Variants in RB1 observed in about 807,000 individuals in gnomAD.
The protein encoded by RB1 is retinoblastoma-associated protein.
Under a neutral mutation model 135.4 loss-of-function variants are expected in RB1, and 18 were observed. That is an observed-to-expected ratio of 0.13 (90% confidence interval 0.09 to 0.20). The LOEUF (loss-of-function observed/expected upper bound fraction) is 0.20. RB1 is among the 10% of genes least tolerant of loss of function. The probability of loss-of-function intolerance (pLI) is 1.00; values close to 1 mark genes in which losing one functional copy is unlikely to be tolerated. For missense variants in RB1, 868 were observed against 1,110.0 expected (o/e 0.78, Z 3.10); for synonymous variants, 365 against 373.2 (o/e 0.98, Z 0.25).
At position 48,333,783 on chromosome 13, in the gene RB1, CT is replaced by C. The variant is rs74263266; in HGVS notation, c.265-8803del. Among the ~76,000 whole-genome samples the C allele has an allele frequency of 2.4e-3, 346 of 144,432 alleles. 1 individual carries two copies. The highest frequency in any genetic ancestry group is 4.8e-3 in the African/African-American group (189 of 39,698). The allele number at this position is 144,432 out of a possible 152,430, so 94.8% of individuals were successfully genotyped here. A position where few individuals can be genotyped will look rare whatever the true frequency, so the allele number is the denominator to read the frequency against. Reference sequence around the variant, plus strand: ...AGCCACTCTGTAGCTACTGCCACAACTTTTTTTTTTTTTCCTTTTTAGAACT... The same window carrying C: ...AGCCACTCTGTAGCTACTGCCACAACTTTTTTTTTTTTCCTTTTTAGAACT... On this transcript the variant is annotated intron_variant, in intron 2 of 26. Transcript: ENST00000267163.
chr13:48,412,393 A>G lies in RB1; in HGVS notation c.1695+30950A>G, dbSNP rs373090147. On this transcript the variant is annotated intron_variant, in intron 17 of 26. Transcript: ENST00000267163. ...AAAGTGTACTTAAAGGAGTCATTAT[A>G]GAAGCAGTGGGAGCTGTTAACGCTT... 4.3e-5 allele frequency: 69 copies of G among 1,613,938 alleles called. No individual in the cohort carries two copies. The highest frequency in any genetic ancestry group is 5.3e-5 in the Non-Finnish European group (63 of 1,179,906).
intron 17 of RB1, among the ~76,000 whole-genome samples, chr13:48,410,277 GTATT>G (rs1230430414): frequency 1.3e-5 from 2 of 152,136 alleles, no homozygotes; most frequent in Non-Finnish European, 2.9e-5. Context: ...GTGTTGAGAT[GTATT>G]TAGATACACA....
intron 10 of RB1, among the ~76,000 whole-genome samples, 174 bp from the exon 11 acceptor site, chr13:48,368,352 GA>G (rs1952724837): frequency 6.6e-6 from 1 of 152,056 alleles, no homozygotes; most frequent in African/African-American, 2.4e-5. Context: ...AAAGAGTAGT[GA>G]AAAATATTTT....
intron 17 of RB1, among the ~76,000 whole-genome samples, chr13:48,441,330 T>C (rs892893395): frequency 1.3e-5 from 2 of 152,204 alleles, no homozygotes; most frequent in African/African-American, 2.4e-5. Context: ...GACCCTTATG[T>C]TACCTTTACA....
chr13:48,412,244 T>C, intron 17 of RB1: 1 of 1,614,090 alleles, frequency 6.2e-7, no homozygotes, highest in South Asian at 1.1e-5. Flanking sequence ...AGTCTGACAT[T>C]GCCAAGTTAA....
intron 17 of RB1, among the ~76,000 whole-genome samples, chr13:48,437,067 T>G (rs961636807): frequency 1.3e-5 from 2 of 152,218 alleles, no homozygotes; most frequent in African/African-American, 4.8e-5. Context: ...TGTATGTTAG[T>G]TATGAAAAGT....
chr13:48,361,050 C>T (rs961757221), intron 7 of RB1, among the ~76,000 whole-genome samples: 2 of 151,070 alleles, frequency 1.3e-5, no homozygotes, highest in Non-Finnish European at 2.9e-5. Context: ...AGGCAGAAAC[C>T]TTCATTTAGC....
chr13:48,472,451 G>A (rs1452418258), intron 23 of RB1, among the ~76,000 whole-genome samples: 7 of 151,950 alleles, frequency 4.6e-5, no homozygotes, highest in African/African-American at 1.2e-4. Context: ...AAGATGCCAC[G>A]TCATGTCTAT....
chr13:48,333,735 GAAA>G (rs369961896), intron 2 of RB1, among the ~76,000 whole-genome samples: 9 of 133,678 alleles, frequency 6.7e-5, no homozygotes, highest in Non-Finnish European at 9.6e-5. Context: ...AGAAAAAAAA[GAAA>G]AAAAAACAAA....
In RB1 at chr13:48,360,121, C is replaced by T. The variant is rs1402069667; in HGVS notation, c.712C>T (p.Pro238Ser). Reference sequence around the variant, plus strand: ...CTCACCTCCCATGTTGCTCAAAGAACCATATAGTAAGTATTTAATTTATGC... The same window carrying T: ...CTCACCTCCCATGTTGCTCAAAGAATCATATAGTAAGTATTTAATTTATGC... ...KLSPPMLLKE[P>S]YKTAVIPING... is the part of the protein sequence containing the mutation. The change falls in exon 7 of 27, where the codon CCA becomes TCA. Residue 238 changes from proline (P) to serine (S), a missense_variant. Physicochemically the swap from Pro to Ser is moderately conservative, Grantham distance 74. Around this residue, in one of 3 missense-constraint regions of RB1, gnomAD observed 641 missense variants for 791.3 expected, o/e 0.81. Transcript: ENST00000267163. 6.2e-7 allele frequency: 1 copy of T among 1,612,190 alleles called. No homozygotes were observed. Among genetic ancestry groups the T allele is most frequent in the Non-Finnish European group, 8.5e-7 (1 of 1,179,050 alleles).
intron 11 of RB1, among the ~76,000 whole-genome samples, chr13:48,370,295 C>T (rs1314355195): frequency 6.6e-6 from 1 of 152,058 alleles, no homozygotes; most frequent in Non-Finnish European, 1.5e-5. Flanking sequence ...AAGTTTTCCT[C>T]ACCAAGAAAC....
At chr13:48,404,186 CG>C (rs903164569) in intron 17 of RB1, 3 of 152,046 alleles carry the variant, frequency 2.0e-5, no homozygotes, top group Non-Finnish European at 1.5e-5. Flanking sequence ...CTTACAGACA[CG>C]GGGCTAGGGT....
At chr13:48,348,462 CAA>C (rs2138092609) in intron 5 of RB1, among the ~76,000 whole-genome samples, 1 of 151,840 alleles carries the variant, frequency 6.6e-6, no homozygotes, top group South Asian at 2.1e-4. Context: ...ATTATCAAGG[CAA>C]AGTGTTAAAT....
intron 17 of RB1, among the ~76,000 whole-genome samples, chr13:48,394,625 A>G (rs1184997767): frequency 2.0e-5 from 3 of 152,188 alleles, no homozygotes; most frequent in Admixed American, 1.3e-4. Context: ...AAACAAAGCC[A>G]CCAGGAAGTT....
In RB1 at chr13:48,335,763, G is replaced by A. The variant is rs534253181; in HGVS notation, c.265-6836G>A. ...CCTGAGTCCTTTTCATAATTTTCAA[G>A]AAAACACATCAGTTACAGATTTTAG... On this transcript the variant is annotated intron_variant, in intron 2 of 26. Coordinates refer to ENST00000267163, the MANE Select transcript of RB1 (RefSeq NM_000321.3). 4.7e-3 allele frequency among the ~76,000 whole-genome samples: 716 copies of A among 152,054 alleles called. 2 individuals carry two copies. The highest frequency in any genetic ancestry group is 0.016 in the African/African-American group (676 of 41,462).
intron 16 of RB1, 145 bp downstream of exon 16, chr13:48,380,386 G>T: frequency 1.6e-6 from 1 of 635,486 alleles, no homozygotes; most frequent in East Asian, 3.0e-5. Flanking sequence ...GAATGTAATT[G>T]GTCATTATAA....
Position 48,304,033 on chromosome 13 carries a change from G to T in RB1, c.121G>T (p.Asp41Tyr), listed in dbSNP as rs775161380. 1 of 1,459,478 alleles carries T rather than the reference G, an allele frequency of 6.9e-7. No homozygotes were observed. The highest frequency in any genetic ancestry group is 9.0e-7 in the Non-Finnish European group (1 of 1,114,082). The allele number at this position is 1,459,478 out of a possible 1,614,324, so 90.4% of individuals were successfully genotyped here. Residue 41 changes from aspartate to tyrosine, a missense_variant, in exon 1 of 27, where the codon GAC (aspartate) becomes TAC (tyrosine). Around this residue, in one of 3 missense-constraint regions of RB1, gnomAD observed 641 missense variants for 791.3 expected, o/e 0.81. Transcript: ENST00000267163. ...EDPEQDSGPE[D>Y]LPLVRLEFEE... is the part of the protein sequence containing the mutation. ...CCCAGAGCAGGACAGCGGCCCGGAG[G>T]ACCTGCCTCTCGTCAGGTGAGCGAG...
chr13:48,367,659 T>C, intron 10 of RB1, 56 bp downstream of exon 10: 4 of 1,563,666 alleles, frequency 2.6e-6, no homozygotes, highest in Admixed American at 1.7e-5. Context: ...GATACTGATA[T>C]AGGTAGATTA....
At chr13:48,412,054 A>G (rs1308348768) in intron 17 of RB1, 1 of 1,611,484 alleles carries the variant, frequency 6.2e-7, no homozygotes, top group South Asian at 1.1e-5. Context: ...AGAGTCTTTG[A>G]CTTAAATGGG....
Sources: allele counts gnomAD v4.1 joint callset (sites outside exome capture counted in the v4.1 genomes callset), GRCh38; gene constraint gnomAD v4.1.1; regional missense constraint gnomAD v4.1.1; transcripts MANE v1.5; gene names NCBI Gene and HGNC (gene_info 2026-07-23, HGNC 2026-07-21).